ATP6V1A: variants seen among roughly 807,000 people sequenced by gnomAD.
ATP6V1A encodes V-type proton ATPase catalytic subunit A.
A neutral mutation model predicts 70.1 loss-of-function variants in ATP6V1A; 18 were observed. The ratio of observed to expected loss-of-function variants is 0.26; its 90% CI spans 0.18 to 0.38. The LOEUF is 0.38. ATP6V1A is among the 10% of genes least tolerant of loss of function. ATP6V1A has a pLI of 1.00. For missense variants in ATP6V1A, 424 were observed against 772.4 expected, an observed-to-expected ratio of 0.55 and a Z score of 5.35; for synonymous variants, 232 against 253.8, an observed-to-expected ratio of 0.91 and a Z score of 0.82.
At chr3:113,770,840 A>G (rs781165265) in intron 1 of ATP6V1A, among the ~76,000 whole-genome samples, 41 of 152,244 alleles carry the variant, frequency 2.7e-4, no homozygotes, top group Admixed American at 1.4e-3. Flanking sequence ...CATGCCTGTT[A>G]TCCCAGTACT....
chr3:113,782,147 A>G (rs1402438905), intron 3 of ATP6V1A, among the ~76,000 whole-genome samples: 2 of 152,336 alleles, frequency 1.3e-5, no homozygotes, highest in Admixed American at 6.5e-5. Context: ...TTGCCATTCT[A>G]AAACACATGC....
intron 2 of ATP6V1A, chr3:113,780,632 C>A: frequency 3.1e-6 from 2 of 650,046 alleles, no homozygotes; most frequent in Non-Finnish European, 4.5e-6. Context: ...GAAATGGTAA[C>A]AGCACAGCGA....
rs35795097 is a variant in ATP6V1A, at chr3:113,787,076, G to A, written c.716+693G>A. ...ATTACAGGCGTGAGCCATTGCACCCGGCCACCATGTTTCTTAAGTTATTCT... is the reference window on the plus strand; with the variant it reads ...ATTACAGGCGTGAGCCATTGCACCCAGCCACCATGTTTCTTAAGTTATTCT... On this transcript the variant is annotated intron_variant, in intron 6 of 14. Transcript: ENST00000273398. Among the ~76,000 whole-genome samples, 8 of 152,196 alleles carry A rather than the reference G, an allele frequency of 5.3e-5. 1 individual carries two copies. In the East Asian group the frequency reaches 1.2e-3, roughly 22 times the overall value.
chr3:113,759,892 A>G (rs376781389), intron 1 of ATP6V1A, among the ~76,000 whole-genome samples: 2 of 152,256 alleles, frequency 1.3e-5, no homozygotes, highest in African/African-American at 2.4e-5. Flanking sequence ...GGGGTGTTCA[A>G]TAAACAAAGC....
rs1709147032 is a variant in ATP6V1A, at chr3:113,795,783, TTAAAAAA to T, written c.1227-92_1227-86del. On this transcript the variant is annotated intron_variant, in intron 10 of 14. Coordinates refer to ENST00000273398, the MANE Select transcript of ATP6V1A (RefSeq NM_001690.4). ...AAAGTTATTTACATTAAAATCGACT[TTAAAAAA>T]AGTTAACATTTATATATATGTTATT... 8 of 991,382 alleles carry T rather than the reference TTAAAAAA, an allele frequency of 8.1e-6. No homozygotes were observed. In the South Asian group the frequency reaches 1.1e-4, roughly 14 times the overall value. 61.4% of individuals were successfully genotyped at this position (991,382 alleles called of 1,614,324 possible). A position where few individuals can be genotyped will look rare whatever the true frequency, so the allele number is the denominator to read the frequency against.
In ATP6V1A at chr3:113,789,743, G is replaced by A; in HGVS notation, c.891G>A (p.Glu297=). The part of the protein sequence containing the change: ...VLRDFPELTM[E]VDGKVESIMK... ...TATTTTACCTCTAGCTCACAATGGAGGTTGATGGTAAGGTAGAGTCAATTA... is the reference window on the plus strand; with the variant it reads ...TATTTTACCTCTAGCTCACAATGGAAGTTGATGGTAAGGTAGAGTCAATTA... Residue 297 remains glutamate, a synonymous_variant, in exon 8 of 15, where the codon GAG becomes GAA. Transcript: ENST00000273398. The A allele has an allele frequency of 6.2e-7, 1 of 1,607,868 alleles. No individual in the cohort carries two copies. The highest frequency in any genetic ancestry group is 8.5e-7 in the Non-Finnish European group (1 of 1,174,522).
At chr3:113,788,050 A>C (rs1013280640) in intron 6 of ATP6V1A, among the ~76,000 whole-genome samples, 7 of 152,140 alleles carry the variant, frequency 4.6e-5, no homozygotes, top group African/African-American at 1.7e-4. Flanking sequence ...CCTTCTGAAT[A>C]GCTAGGCCAT....
chr3:113,767,293 T>C (rs181262273), intron 1 of ATP6V1A, among the ~76,000 whole-genome samples: 14 of 152,172 alleles, frequency 9.2e-5, no homozygotes, highest in Admixed American at 8.5e-4. Context: ...GGTTTTGTCA[T>C]GTTGGCCAAG....
rs13321446 is a variant in ATP6V1A at position 113,803,697 on chromosome 3, T to C, written c.1589+20T>C. 0.34 allele frequency: 525,435 copies of C among 1,542,300 alleles called. 92,245 individuals are homozygous for C. Among genetic ancestry groups the C allele is most frequent in the East Asian group, 0.38 (16,878 of 44,250 alleles). On this transcript the variant is annotated intron_variant, in intron 13 of 14. Transcript: ENST00000273398. ...TGACAGGTAAGCTATATTGATTTCC[T>C]TTTTTTATTTGAGGATTTTCTGTTG...
intron 1 of ATP6V1A, among the ~76,000 whole-genome samples, chr3:113,767,638 A>G (rs894112076): frequency 6.6e-6 from 1 of 151,922 alleles, no homozygotes; most frequent in Non-Finnish European, 1.5e-5. Flanking sequence ...ATTTGTAAAA[A>G]TTTGAAGGGA....
chr3:113,801,795 A>C (rs148893471), intron 12 of ATP6V1A, among the ~76,000 whole-genome samples: 1 of 152,304 alleles, frequency 6.6e-6, no homozygotes, highest in East Asian at 1.9e-4. Flanking sequence ...AGTTTTACAT[A>C]ATTAAAGACA....
intron 1 of ATP6V1A, among the ~76,000 whole-genome samples, chr3:113,775,250 A>G (rs1326529822): frequency 2.3e-5 from 3 of 132,818 alleles, no homozygotes; most frequent in African/African-American, 5.7e-5. Flanking sequence ...TTTTTTTGAG[A>G]TGGAGTTTTG....
intron 1 of ATP6V1A, among the ~76,000 whole-genome samples, chr3:113,749,020 G>A (rs540731590): frequency 6.6e-6 from 1 of 152,266 alleles, no homozygotes; most frequent in South Asian, 2.1e-4. Context: ...AACTAGTCCT[G>A]TCTGGCTGAG....
At position 113,781,826 on chromosome 3, in the gene ATP6V1A, A is replaced by G. The variant is rs542455762; in HGVS notation, c.211+648A>G. Among the ~76,000 whole-genome samples the G allele has an allele frequency of 2.6e-5, 4 of 152,332 alleles. No individual in the cohort carries two copies. In the South Asian group the frequency reaches 8.3e-4, roughly 32 times the overall value. On this transcript the variant is annotated intron_variant, in intron 3 of 14. Coordinates refer to ENST00000273398, the MANE Select transcript of ATP6V1A (RefSeq NM_001690.4). ...AACAGAATAACAATATTGACTTGTG[A>G]GGTTAAAATTCTCTAATTATGATTT...
intron 5 of ATP6V1A, 112 bp downstream of exon 5, chr3:113,784,945 A>G: frequency 7.8e-6 from 9 of 1,157,564 alleles, no homozygotes; most frequent in Non-Finnish European, 1.1e-5. Context: ...ATAAGTTTTG[A>G]GTAACTCCTA....
At chr3:113,778,248 G>A (rs1708938050) in intron 1 of ATP6V1A, among the ~76,000 whole-genome samples, 1 of 152,048 alleles carries the variant, frequency 6.6e-6, no homozygotes, top group Non-Finnish European at 1.5e-5. Flanking sequence ...ACAAAGATTA[G>A]CCAGGTATGG....
At chr3:113,768,442 A>G (rs1450275365) in intron 1 of ATP6V1A, among the ~76,000 whole-genome samples, 6 of 152,132 alleles carry the variant, frequency 3.9e-5, no homozygotes, top group Non-Finnish European at 7.4e-5. Context: ...ACAAGGACTC[A>G]GATGTCTTTT....
In ATP6V1A at chr3:113,789,235, C is replaced by T. The variant is rs563349418; in HGVS notation, c.879+360C>T. On this transcript the variant is annotated intron_variant, in intron 7 of 14. Coordinates refer to ENST00000273398, the MANE Select transcript of ATP6V1A (RefSeq NM_001690.4). ...GCTGATTTTGTATTTTTAGTAGAGA[C>T]GGGGTTTCCACCATGTTGGCCAGGC... is the stretch of plus-strand genomic sequence containing the variant. Among the ~76,000 whole-genome samples the T allele has an allele frequency of 8.5e-5, 13 of 152,056 alleles. 1 individual carries two copies. The highest frequency in any genetic ancestry group is 6.3e-4 in the South Asian group (3 of 4,800).
intron 1 of ATP6V1A, among the ~76,000 whole-genome samples, chr3:113,748,309 T>A (rs1463295097): frequency 6.6e-6 from 1 of 152,260 alleles, no homozygotes; most frequent in African/African-American, 2.4e-5. Flanking sequence ...TAGGGAAGAA[T>A]GTTTTTCAGT....
Sources: gnomAD v4.1 joint callset for allele counts (sites outside exome capture counted in the v4.1 genomes callset) on GRCh38, gnomAD v4.1.1 for gene constraint, MANE v1.5 for transcripts, NCBI Gene and HGNC (gene_info 2026-07-23, HGNC 2026-07-21) for gene names.